The following CSMD3 variants were observed in gnomAD, a reference collection of about 807,000 sequenced individuals.
CSMD3 encodes the protein CUB and Sushi multiple domains 3.
A neutral mutation model predicts 435.2 loss-of-function variants in CSMD3; 177 were observed. The ratio of observed to expected loss-of-function variants is 0.41; its 90% CI spans 0.36 to 0.46. The LOEUF is 0.46. Among genes scored for constraint, CSMD3 ranks in the 20% least tolerant of loss-of-function variants. The pLI is 0.34. For synonymous variants in CSMD3, 1,656 were observed against 1,520.5 expected, an observed-to-expected ratio of 1.09 and a Z score of -2.07; for missense variants, 4,265 against 4,504.6, an observed-to-expected ratio of 0.95 and a Z score of 1.52.
chr8:113,339,831 G>A (rs1357594024), intron 1 of CSMD3, among the ~76,000 whole-genome samples: 1 of 151,918 alleles, frequency 6.6e-6, no homozygotes, highest in African/African-American at 2.4e-5. Flanking sequence ...GTCGTTATAT[G>A]CTTACTTGTC....
In CSMD3 at chr8:112,306,121, G is replaced by A. The variant is rs1443055427; in HGVS notation, c.7957C>T (p.Arg2653Ter). The part of the protein sequence containing the change: ...ILTTDYLVGT[R>*]VTYFCNDGYR... Reference sequence around the variant, plus strand: ...CCATCATTACAAAAATAGGTAACTCGCGTTCCTACCAAATAGTCTGTTGTT... The same window carrying A: ...CCATCATTACAAAAATAGGTAACTCACGTTCCTACCAAATAGTCTGTTGTT... The change falls in exon 51 of 71, where the codon CGA becomes TGA. Residue 2653 changes from arginine to a stop codon, truncating the protein, a stop_gained. Transcript: ENST00000297405. LOFTEE classifies it high-confidence loss of function. 1.9e-6 allele frequency: 3 copies of A among 1,612,510 alleles called. No homozygotes were observed. The highest frequency in any genetic ancestry group is 1.7e-5 in the Admixed American group (1 of 59,930).
rs1829699077 is a variant in CSMD3 at position 112,573,521 on chromosome 8, C to A, written c.4022G>T (p.Gly1341Val). 2 of 1,613,308 alleles carry A rather than the reference C, an allele frequency of 1.2e-6. No homozygotes were observed. Among genetic ancestry groups the A allele is most frequent in the African/African-American group, 1.3e-5 (1 of 74,886 alleles). ...CTTACTGGTATACACAAGTTGAAAG[C>A]CTTCATCTGTCCCTTCAGTATCGGA... ...FNSDTEGTDE[G>V]FQLVYTSFEL... is the part of the protein sequence containing the mutation. The change falls in exon 24 of 71, where the codon GGC (glycine) becomes GTC (valine). Residue 1341 changes from glycine to valine, a missense_variant. Gly to Val is a moderately radical substitution (Grantham distance 109). Transcript: ENST00000297405.
intron 38 of CSMD3, among the ~76,000 whole-genome samples, chr8:112,353,840 G>A (rs1167515916): frequency 2.0e-5 from 3 of 152,070 alleles, no homozygotes; most frequent in Admixed American, 6.6e-5. Context: ...TTCCTAACTC[G>A]TTCTACAAAG....
chr8:112,331,180 C>A (rs1331696735), intron 45 of CSMD3, among the ~76,000 whole-genome samples: 1 of 151,926 alleles, frequency 6.6e-6, no homozygotes, highest in African/African-American at 2.4e-5. Context: ...AAAGAACACT[C>A]AGTTAAAATT....
rs760640575 is a variant in CSMD3, at chr8:112,383,561, A to AT, written c.6031+5dup. 6.8e-7 allele frequency: 1 copy of AT among 1,464,612 alleles called. No homozygotes were observed. Among genetic ancestry groups the AT allele is most frequent in the South Asian group, 1.1e-5 (1 of 88,010 alleles). 90.7% of individuals were successfully genotyped at this position (1,464,612 alleles called of 1,614,324 possible). A position where few individuals can be genotyped will look rare whatever the true frequency, so the allele number is the denominator to read the frequency against. ...TATTTTAATTAAGCTCAGCTCTCTT[A>AT]TTTACCTGAATAGCTTCCAAGTCTT... On this transcript the variant is annotated splice_donor_region_variant and intron_variant, in intron 37 of 70. Coordinates refer to ENST00000297405, the MANE Select transcript of CSMD3 (RefSeq NM_198123.2).
intron 9 of CSMD3, among the ~76,000 whole-genome samples, chr8:112,931,422 C>T (rs1218544004): frequency 6.6e-6 from 1 of 151,222 alleles, no homozygotes; most frequent in Non-Finnish European, 1.5e-5. Context: ...ACCTTTATTT[C>T]TCACCATATA....
chr8:113,127,964 G>A (rs2131666857), intron 4 of CSMD3, among the ~76,000 whole-genome samples: 1 of 152,134 alleles, frequency 6.6e-6, no homozygotes, highest in African/African-American at 2.4e-5. Context: ...CCTCTACGTA[G>A]AATATTCCTT....
chr8:112,716,728 A>C (rs2076737607), intron 13 of CSMD3, among the ~76,000 whole-genome samples: 2 of 152,184 alleles, frequency 1.3e-5, no homozygotes, highest in Non-Finnish European at 1.5e-5. Flanking sequence ...CAAAACAGAA[A>C]TATAGACCAA....
intron 1 of CSMD3, among the ~76,000 whole-genome samples, chr8:113,427,833 G>T (rs2094645039): frequency 6.6e-6 from 1 of 151,566 alleles, no homozygotes; most frequent in Non-Finnish European, 1.5e-5. Flanking sequence ...TGAGTGGAAG[G>T]TTAAGATACC....
chr8:113,173,697 CA>C (rs2092304915), intron 4 of CSMD3, 24 bp downstream of exon 4: 1 of 1,554,300 alleles, frequency 6.4e-7, no homozygotes, highest in Non-Finnish European at 8.9e-7. Context: ...TAACAACTCT[CA>C]TTTTTAAAGT....
At chr8:113,092,252 GA>G (rs1564305225) in intron 5 of CSMD3, among the ~76,000 whole-genome samples, 1 of 151,934 alleles carries the variant, frequency 6.6e-6, no homozygotes, top group East Asian at 1.9e-4. Context: ...ATTATCAAAG[GA>G]AAGTTTACTT....
chr8:112,414,775 G>C (rs1811727615), intron 32 of CSMD3, among the ~76,000 whole-genome samples: 1 of 152,218 alleles, frequency 6.6e-6, no homozygotes, highest in South Asian at 2.1e-4. Flanking sequence ...AGTCCAGACT[G>C]AGGTTTTCTC....
intron 27 of CSMD3, among the ~76,000 whole-genome samples, chr8:112,538,476 A>G (rs889979336): frequency 6.6e-6 from 1 of 152,142 alleles, no homozygotes; most frequent in African/African-American, 2.4e-5. Context: ...AAATGTTGTT[A>G]GAACTTATAA....
intron 1 of CSMD3, among the ~76,000 whole-genome samples, chr8:113,348,877 T>C (rs961676489): frequency 2.6e-5 from 4 of 152,106 alleles, no homozygotes; most frequent in South Asian, 4.1e-4. Flanking sequence ...TTACACAATA[T>C]GCAAAAACTC....
chr8:113,067,509 T>C (rs1588004669), intron 5 of CSMD3, among the ~76,000 whole-genome samples: 1 of 151,946 alleles, frequency 6.6e-6, no homozygotes, highest in East Asian at 1.9e-4. Context: ...AAATATTAGG[T>C]TGGTGCAAAA....
In CSMD3 at chr8:113,282,996, T is replaced by C. The variant is rs113529969; in HGVS notation, c.402-4292A>G. 2.9e-3 allele frequency among the ~76,000 whole-genome samples: 440 copies of C among 152,104 alleles called. 2 individuals are homozygous for C. Among genetic ancestry groups the C allele is most frequent in the African/African-American group, 9.8e-3 (406 of 41,522 alleles). On this transcript the variant is annotated intron_variant, in intron 2 of 70. Coordinates refer to ENST00000297405, the MANE Select transcript of CSMD3 (RefSeq NM_198123.2). Reference sequence around the variant, plus strand: ...ACATAAAGTGGGGAAAGGACACCATTTTCAGCAAATGGTGCTGAGATAATT... The same window carrying C: ...ACATAAAGTGGGGAAAGGACACCATCTTCAGCAAATGGTGCTGAGATAATT...
chr8:112,941,259 G>A (rs1240544457), intron 9 of CSMD3, among the ~76,000 whole-genome samples: 1 of 151,784 alleles, frequency 6.6e-6, no homozygotes, highest in Non-Finnish European at 1.5e-5. Context: ...CCAACTATGT[G>A]GGACAATTTG....
intron 2 of CSMD3, among the ~76,000 whole-genome samples, chr8:113,302,319 A>T (rs932101099): frequency 7.0e-5 from 10 of 142,646 alleles, no homozygotes; most frequent in African/African-American, 2.0e-4. Context: ...TTATATATAT[A>T]ATAATATAAT....
At position 112,222,999 on chromosome 8, in the gene CSMD3, G is replaced by A. The variant is rs1203014738; in HGVS notation, c.*1772C>T. 4 of 397,640 alleles carry A rather than the reference G, an allele frequency of 1.0e-5. No individual in the cohort carries two copies. The highest frequency in any genetic ancestry group is 1.8e-5 in the Non-Finnish European group (4 of 225,320). 24.6% of individuals were successfully genotyped at this position (397,640 alleles called of 1,614,324 possible). A position where few individuals can be genotyped will look rare whatever the true frequency, so the allele number is the denominator to read the frequency against. ...AAAATTTACATCATACTTTTACAAA[G>A]TTTCTTTTCATAAAAATATACTTCT... On this transcript the variant is annotated 3_prime_UTR_variant, in exon 71 of 71. Coordinates refer to ENST00000297405, the MANE Select transcript of CSMD3 (RefSeq NM_198123.2).
Sources: gnomAD v4.1 joint callset for allele counts (sites outside exome capture counted in the v4.1 genomes callset) on GRCh38, gnomAD v4.1.1 for gene constraint, MANE v1.5 for transcripts, NCBI Gene and HGNC (gene_info 2026-07-23, HGNC 2026-07-21) for gene names.